The following GLB1 variants were observed in gnomAD, a reference collection of about 807,000 sequenced individuals.
The protein encoded by GLB1 is beta-galactosidase.
Under a neutral mutation model 74.0 loss-of-function variants are expected in GLB1, and 56 were observed. That is an observed-to-expected ratio of 0.76 (90% confidence interval 0.61 to 0.94). The LOEUF (loss-of-function observed/expected upper bound fraction) is 0.94. GLB1 is among the 40% of genes least tolerant of loss of function. GLB1 has a pLI of 0.00. For synonymous variants in GLB1, 323 were observed against 323.6 expected, an observed-to-expected ratio of 1.00 and a Z score of 0.02; for missense variants, 787 against 845.5, an observed-to-expected ratio of 0.93 and a Z score of 0.86.
Position 33,068,919 on chromosome 3 carries a change from A to G in GLB1, c.297T>C (p.Ser99=). The G allele has an allele frequency of 6.2e-7, 1 of 1,614,202 alleles. No homozygotes were observed. The highest frequency in any genetic ancestry group is 8.5e-7 in the Non-Finnish European group (1 of 1,180,028). ...HEPWPGQYQF[S]EDHDVEYFLR... ...GAAAATATTCCACATCATGGTCCTC[A>G]GAAAACTGGTACTGTCCTGGCCAGG... The change falls in exon 3 of 16, where the codon TCT becomes TCC. Residue 99 remains serine (S), a synonymous_variant. Transcript: ENST00000307363.
At chr3:32,962,204 G>A in the GLB1 span, among the ~76,000 whole-genome samples, 3 of 126,104 alleles carry the variant, frequency 2.4e-5, no homozygotes, top group Non-Finnish European at 5.1e-5. Flanking sequence ...AAAAAAAAAA[G>A]AGAGTCTGAG....
At chr3:33,041,236 A>G (rs1323036989) in intron 10 of GLB1, among the ~76,000 whole-genome samples, 1 of 152,240 alleles carries the variant, frequency 6.6e-6, no homozygotes, top group African/African-American at 2.4e-5. Context: ...TAAAGAGAAA[A>G]TCTCAGAAGC....
chr3:33,096,829 C>G (rs1361922484), intron 1 of GLB1, 182 bp downstream of exon 1: 2 of 1,368,738 alleles, frequency 1.5e-6, no homozygotes, highest in Non-Finnish European at 1.9e-6. Context: ...CCCCGCCCGG[C>G]CCGCCCCCGA....
At chr3:33,004,804 G>A (rs1395487631) in intron 15 of GLB1, among the ~76,000 whole-genome samples, 1 of 152,186 alleles carries the variant, frequency 6.6e-6, no homozygotes, top group East Asian at 1.9e-4. Context: ...GTAGCTTTCA[G>A]GGGTAACAGG....
chr3:33,068,438 A>T, intron 3 of GLB1, 148 bp from the exon 4 acceptor site: 1 of 1,113,856 alleles, frequency 9.0e-7, no homozygotes, highest in Non-Finnish European at 1.2e-6. Flanking sequence ...TATAACTTGC[A>T]GAGAAATTAG....
intron 15 of GLB1, among the ~76,000 whole-genome samples, chr3:33,003,319 C>G (rs1696654077): frequency 6.6e-6 from 1 of 152,222 alleles, no homozygotes; most frequent in Non-Finnish European, 1.5e-5. Flanking sequence ...TACCTAACAA[C>G]AGTCGTCAAA....
chr3:32,978,521 A>C, the GLB1 span, among the ~76,000 whole-genome samples: 1 of 152,364 alleles, frequency 6.6e-6, no homozygotes, highest in South Asian at 2.1e-4. Context: ...AAAAAGTCCA[A>C]GCCTGCTTTC....
chr3:33,090,582 A>G, intron 1 of GLB1: 1 of 985,474 alleles, frequency 1.0e-6, no homozygotes, highest in Non-Finnish European at 1.2e-6. Context: ...TCAAGCTTCA[A>G]GTAACGTTTC....
At chr3:33,054,037 AAT>A (rs1575454573) in intron 6 of GLB1, among the ~76,000 whole-genome samples, 2 of 148,612 alleles carry the variant, frequency 1.3e-5, no homozygotes, top group South Asian at 2.2e-4. Flanking sequence ...TATTAAAAAA[AAT>A]AATAATAATA....
At chr3:33,044,679 A>AT (rs1698670148) in intron 10 of GLB1, among the ~76,000 whole-genome samples, 1 of 152,150 alleles carries the variant, frequency 6.6e-6, no homozygotes, top group Non-Finnish European at 1.5e-5. Context: ...TCTAGATTGT[A>AT]TTTTTTATAT....
chr3:32,993,376 G>A (rs1051127475), downstream of GLB1, among the ~76,000 whole-genome samples: 8 of 152,082 alleles, frequency 5.3e-5, no homozygotes, highest in East Asian at 1.5e-3. Context: ...TCTTTTTTGA[G>A]ACAGGGTCTG....
intron 10 of GLB1, among the ~76,000 whole-genome samples, chr3:33,035,899 C>T (rs1698254069): frequency 6.6e-6 from 1 of 152,136 alleles, no homozygotes; most frequent in Admixed American, 6.5e-5. Flanking sequence ...GGCACCATTA[C>T]CTATAATTCA....
chr3:33,085,963 T>C (rs1464828794), intron 1 of GLB1, among the ~76,000 whole-genome samples: 1 of 150,710 alleles, frequency 6.6e-6, no homozygotes, highest in East Asian at 1.9e-4. Context: ...CCTGTAGTCC[T>C]AGCTATCTGG....
At position 33,024,302 on chromosome 3, in the gene GLB1, A is replaced by G. The variant is rs750932808; in HGVS notation, c.1092T>C (p.Pro364=). 58 of 1,593,450 alleles carry G rather than the reference A, an allele frequency of 3.6e-5. No homozygotes were observed. The highest frequency in any genetic ancestry group is 4.5e-5 in the Non-Finnish European group (53 of 1,170,454). Residue 364 remains proline (P), a synonymous_variant, in exon 11 of 16, where the codon CCT becomes CCC. Coordinates refer to ENST00000307363, the MANE Select transcript of GLB1 (RefSeq NM_000404.4). ...CAAACTTTGGTGTAGATGGAGGGAT[A>G]GGACCTTCTGGTACTTTTTCAAACT... ...IQKFEKVPEG[P]IPPSTPKFAY... is the part of the protein sequence containing the mutation.
chr3:33,018,353 G>A, intron 13 of GLB1, 95 bp downstream of exon 13: 1 of 863,658 alleles, frequency 1.2e-6, no homozygotes, highest in South Asian at 1.3e-5. Context: ...AGGCTGAAAA[G>A]GTGAGCAAAG....
the GLB1 span, among the ~76,000 whole-genome samples, chr3:32,974,246 G>A: frequency 6.6e-6 from 1 of 152,130 alleles, no homozygotes; most frequent in Non-Finnish European, 1.5e-5. Context: ...CTTAGACTGG[G>A]TTCCTGAGAA....
At chr3:33,000,151 C>A (rs763982397) in intron 15 of GLB1, among the ~76,000 whole-genome samples, 1 of 151,926 alleles carries the variant, frequency 6.6e-6, no homozygotes, top group Non-Finnish European at 1.5e-5. Flanking sequence ...GTTGCCCAGG[C>A]TGGTCTCAAA....
chr3:33,087,573 A>ATG lies in GLB1; in HGVS notation c.75+9436_75+9437dup, dbSNP rs879579306. On this transcript the variant is annotated intron_variant, in intron 1 of 15. Coordinates refer to ENST00000307363, the MANE Select transcript of GLB1 (RefSeq NM_000404.4). ...CGACAGAGCAAGACCATGTCTCAGC[A>ATG]TGCGCGCACACACACACACACACAC... Among the ~76,000 whole-genome samples the ATG allele has an allele frequency of 1.2e-3, 87 of 69,980 alleles. 1 individual carries two copies. Among genetic ancestry groups the ATG allele is most frequent in the East Asian group, 6.8e-3 (13 of 1,920 alleles). 45.9% of individuals were successfully genotyped at this position (69,980 alleles called of 152,430 possible).
intron 10 of GLB1, among the ~76,000 whole-genome samples, chr3:33,025,286 T>C (rs542463816): frequency 2.8e-4 from 43 of 152,348 alleles, no homozygotes; most frequent in Non-Finnish European, 5.7e-4. Flanking sequence ...CTTGTAACTT[T>C]TTTGAAAGTC....
Sources: gnomAD v4.1 joint callset for allele counts (sites outside exome capture counted in the v4.1 genomes callset) on GRCh38, gnomAD v4.1.1 for gene constraint, MANE v1.5 for transcripts, NCBI Gene and HGNC (gene_info 2026-07-23, HGNC 2026-07-21) for gene names.